PDE10A: variants seen among roughly 807,000 people sequenced by gnomAD.
PDE10A encodes the protein phosphodiesterase 10A.
In PDE10A, 39 loss-of-function variants were observed where a neutral mutation model predicts 97.7. The ratio of observed to expected loss-of-function variants is 0.40; its 90% confidence interval spans 0.31 to 0.52. The LOEUF is 0.52. Among genes scored for constraint, PDE10A ranks in the 20% least tolerant of loss-of-function variants. The pLI, the probability that PDE10A is intolerant of heterozygous loss-of-function variation, is 0.56. For missense variants in PDE10A, 731 were observed against 1,047.8 expected, an observed-to-expected ratio of 0.70 and a Z score of 4.17; for synonymous variants, 371 against 376.8, an observed-to-expected ratio of 0.98 and a Z score of 0.18.
At chr6:165,334,237 C>T (rs985766097) in intron 21 of PDE10A, among the ~76,000 whole-genome samples, 10 of 152,206 alleles carry the variant, frequency 6.6e-5, no homozygotes, top group African/African-American at 2.2e-4. Flanking sequence ...CAGTGGACAC[C>T]GTGTTCTCAG....
chr6:165,544,135 C>T (rs1367203326), intron 1 of PDE10A, among the ~76,000 whole-genome samples: 1 of 152,090 alleles, frequency 6.6e-6, no homozygotes, highest in Non-Finnish European at 1.5e-5. Flanking sequence ...AGCACTGAAA[C>T]ATTATAGGTG....
intron 1 of PDE10A, among the ~76,000 whole-genome samples, chr6:165,972,140 G>A (rs2128501362): frequency 6.6e-6 from 1 of 152,256 alleles, no homozygotes; most frequent in Middle Eastern, 3.4e-3. Context: ...ATTGGAATAA[G>A]GATTGAGAAT....
intron 1 of PDE10A, among the ~76,000 whole-genome samples, chr6:165,924,230 A>G (rs1458068745): frequency 2.0e-5 from 3 of 151,878 alleles, no homozygotes; most frequent in East Asian, 3.9e-4. Context: ...CTCGTGGCTT[A>G]CATATTGGAT....
At chr6:165,981,698 G>A (rs899055052) in intron 1 of PDE10A, among the ~76,000 whole-genome samples, 1 of 152,188 alleles carries the variant, frequency 6.6e-6, no homozygotes. Flanking sequence ...TTTAAAAAAT[G>A]TCTAAACGAT....
chr6:165,914,623 T>C lies in PDE10A; in HGVS notation c.-615+72906A>G, dbSNP rs558327862. 7.9e-4 allele frequency among the ~76,000 whole-genome samples: 120 copies of C among 152,308 alleles called. 1 individual carries two copies. The highest frequency in any genetic ancestry group is 2.8e-3 in the African/African-American group (116 of 41,574). On this transcript the variant is annotated intron_variant, in intron 1 of 19. Coordinates refer to the PDE10A transcript ENST00000366882. ...CACCAACTCAGACAGAATGGGTCAC[T>C]AGAAAAAGTGGATGAGATACGTGAA...
In PDE10A at chr6:165,677,226, A is replaced by G. The variant is rs77854036; in HGVS notation, c.-614-133658T>C. On this transcript the variant is annotated intron_variant, in intron 1 of 19. Coordinates refer to the PDE10A transcript ENST00000366882. The stretch of plus-strand genomic sequence containing the variant: ...TCCGATCAGTGGACGACTTCAAGAG[A>G]AAAAGGCTGAGGTCCTCTAAGGAAG... Among the ~76,000 whole-genome samples, 154 of 152,292 alleles carry G rather than the reference A, an allele frequency of 1.0e-3. 2 individuals carry two copies. The East Asian group carries it at 0.022, about 21-fold the overall frequency.
In PDE10A at chr6:165,332,891, T is replaced by C; in HGVS notation, c.*134A>G. 1.5e-6 allele frequency: 1 copy of C among 662,740 alleles called. No individual in the cohort carries two copies. The highest frequency in any genetic ancestry group is 2.7e-6 in the Non-Finnish European group (1 of 368,102). The allele number at this position is 662,740 out of a possible 1,614,324, so 41.1% of individuals were successfully genotyped here. A position where few individuals can be genotyped will look rare whatever the true frequency, so the allele number is the denominator to read the frequency against. On this transcript the variant is annotated 3_prime_UTR_variant, in exon 22 of 22. Coordinates refer to ENST00000539869, the MANE Select transcript of PDE10A (RefSeq NM_001385079.1). ...CTCTGCTTGACTTATTTATTTGATG[T>C]TACCTTCTTGAAGAGGTTTGCACCC...
At chr6:165,769,413 T>C (rs1472265) in intron 1 of PDE10A, among the ~76,000 whole-genome samples, 72,910 of 151,952 alleles carry the variant, frequency 0.48, 18,915 homozygotes, top group African/African-American at 0.69. Flanking sequence ...ATTGAAATTA[T>C]AACCTATTTT....
chr6:165,439,841 T>G (rs1476155933), intron 5 of PDE10A, among the ~76,000 whole-genome samples: 2 of 152,116 alleles, frequency 1.3e-5, no homozygotes, highest in Non-Finnish European at 2.9e-5. Context: ...AACAAGAGAA[T>G]AGACTAGTAC....
At chr6:165,866,879 C>G (rs1460161972) in intron 1 of PDE10A, among the ~76,000 whole-genome samples, 1 of 151,426 alleles carries the variant, frequency 6.6e-6, no homozygotes, top group Non-Finnish European at 1.5e-5. Context: ...TAAAGTCTTT[C>G]TCAGACAAGC....
intron 1 of PDE10A, among the ~76,000 whole-genome samples, chr6:165,680,553 C>G (rs1351795777): frequency 6.6e-6 from 1 of 152,186 alleles, no homozygotes; most frequent in African/African-American, 2.4e-5. Flanking sequence ...ATAGAGGAAT[C>G]TTGGACAATT....
intron 3 of PDE10A, among the ~76,000 whole-genome samples, chr6:165,477,823 T>C (rs1779379195): frequency 6.6e-6 from 1 of 152,170 alleles, no homozygotes; most frequent in Admixed American, 6.5e-5. Flanking sequence ...AAAGGTACAG[T>C]CCTGCAGCTA....
chr6:165,705,770 AT>A (rs1791693003), intron 1 of PDE10A, among the ~76,000 whole-genome samples: 1 of 152,256 alleles, frequency 6.6e-6, no homozygotes, highest in Non-Finnish European at 1.5e-5. Context: ...GACTTTAAAA[AT>A]ATTACCATCA....
chr6:165,332,960 A>T lies in PDE10A; in HGVS notation c.*65T>A. 17 of 541,698 alleles carry T rather than the reference A, an allele frequency of 3.1e-5. No homozygotes were observed. The highest frequency in any genetic ancestry group is 4.8e-5 in the East Asian group (1 of 20,676). The allele number at this position is 541,698 out of a possible 1,614,324, so 33.6% of individuals were successfully genotyped here. ...TCCCCCCACCCCCCCCAAAAAAAGG[A>T]AAAGAATGTCAAAGAAGCAAGATGA... On this transcript the variant is annotated 3_prime_UTR_variant, in exon 22 of 22. Coordinates refer to ENST00000539869, the MANE Select transcript of PDE10A (RefSeq NM_001385079.1).
At chr6:165,355,460 T>C (rs989231033) in intron 18 of PDE10A, among the ~76,000 whole-genome samples, 1 of 152,176 alleles carries the variant, frequency 6.6e-6, no homozygotes, top group African/African-American at 2.4e-5. Flanking sequence ...TATCATATAG[T>C]AGTATGTAAC....
intron 1 of PDE10A, among the ~76,000 whole-genome samples, chr6:165,826,360 C>G (rs1449164250): frequency 7.6e-6 from 1 of 132,396 alleles, no homozygotes. Flanking sequence ...CCCCGTGTCC[C>G]TCTGTCCTTG....
In PDE10A at chr6:165,339,273, C is replaced by T; in HGVS notation, c.2976+5G>A. ...GCAATTACAATTTACTTTAATAATT[C>T]ATACCTGGCCTTGGGGGACTTCATC... On this transcript the variant is annotated splice_donor_5th_base_variant and intron_variant, in intron 20 of 21. Coordinates refer to ENST00000539869, the MANE Select transcript of PDE10A (RefSeq NM_001385079.1). The T allele has an allele frequency of 6.4e-7, 1 of 1,552,090 alleles. No individual in the cohort carries two copies. The highest frequency in any genetic ancestry group is 8.9e-7 in the Non-Finnish European group (1 of 1,124,152).
intron 1 of PDE10A, among the ~76,000 whole-genome samples, chr6:165,695,199 T>A (rs1582945750): frequency 2.3e-5 from 3 of 130,492 alleles, no homozygotes; most frequent in Non-Finnish European, 3.2e-5. Flanking sequence ...GTGAGCCTGG[T>A]GAAAACTACC....
intron 1 of PDE10A, among the ~76,000 whole-genome samples, chr6:165,749,112 G>A (rs1262092868): frequency 9.8e-6 from 1 of 101,706 alleles, no homozygotes; most frequent in Admixed American, 1.1e-4. Flanking sequence ...ATCACGTAAG[G>A]AGAGATTTTG....
Sources: allele counts gnomAD v4.1 joint callset (sites outside exome capture counted in the v4.1 genomes callset), GRCh38; gene constraint gnomAD v4.1.1; transcripts MANE v1.5; gene names NCBI Gene and HGNC (gene_info 2026-07-23, HGNC 2026-07-21).